Variants in KANK1 observed in about 807,000 individuals in gnomAD.
The protein encoded by KANK1 is KN motif and ankyrin repeat domains 1, also known as KN motif and ankyrin repeat domain-containing protein 1.
A neutral mutation model predicts 106.2 loss-of-function variants in KANK1; 109 were observed. The observed-to-expected ratio is 1.03, with a 90% CI of 0.88 to 1.20. The LOEUF (loss-of-function observed/expected upper bound fraction) is 1.20, where lower values mean the gene tolerates loss of function less well. KANK1 is among the 50% of genes most tolerant of loss of function. The probability of loss-of-function intolerance (pLI) is 0.00; values close to 1 mark genes in which losing one functional copy is unlikely to be tolerated. For synonymous variants in KANK1, 873 were observed against 652.2 expected (o/e 1.34, Z -5.16); for missense variants, 2,399 against 1,710.7 (o/e 1.40, Z -7.10).
chr9:523,575 C>G (rs1316728076), intron 1 of KANK1, among the ~76,000 whole-genome samples: 1 of 151,762 alleles, frequency 6.6e-6, no homozygotes, highest in Non-Finnish European at 1.5e-5. Context: ...CATGGCTGTC[C>G]TTGCCCGGTC....
rs1825935190 is a variant in KANK1 at position 711,116 on chromosome 9, C to T, written c.350C>T (p.Pro117Leu). The change falls in exon 3 of 12, where the codon CCA (proline) becomes CTA (leucine). Residue 117 changes from proline (P) to leucine (L), a missense_variant. Transcript: ENST00000382297. ...LIARSQVTST[P>L]ISKPPPPLET... ...GCCAGAAGTCAAGTTACATCAACTC[C>T]AATCTCAAAGCCACCTCCCCCTCTG... The T allele has an allele frequency of 1.9e-6, 3 of 1,614,024 alleles. No individual in the cohort carries two copies. Among genetic ancestry groups the T allele is most frequent in the African/African-American group, 2.7e-5 (2 of 74,908 alleles).
chr9:695,227 A>G (rs139660890), intron 2 of KANK1, among the ~76,000 whole-genome samples: 18 of 152,304 alleles, frequency 1.2e-4, no homozygotes, highest in Non-Finnish European at 7.3e-5. Context: ...CCGTCTTTGC[A>G]CAGTGTGTTA....
intron 1 of KANK1, among the ~76,000 whole-genome samples, chr9:594,821 A>C (rs1199243283): frequency 1.3e-5 from 2 of 151,858 alleles, no homozygotes; most frequent in Non-Finnish European, 2.9e-5. Context: ...AAAAATCTGG[A>C]GAGTTCAGAT....
At chr9:582,787 G>C (rs1349918109) in intron 1 of KANK1, among the ~76,000 whole-genome samples, 1 of 152,188 alleles carries the variant, frequency 6.6e-6, no homozygotes, top group Admixed American at 6.5e-5. Context: ...AGTACAAGCT[G>C]TACATAAAAT....
intron 1 of KANK1, among the ~76,000 whole-genome samples, chr9:659,100 C>G (rs1468377260): frequency 6.6e-6 from 1 of 152,262 alleles, no homozygotes; most frequent in African/African-American, 2.4e-5. Flanking sequence ...CTCAAAAAGG[C>G]AAGAACTGAG....
At chr9:519,835 TCTC>T (rs1465629665) in intron 1 of KANK1, among the ~76,000 whole-genome samples, 1 of 151,744 alleles carries the variant, frequency 6.6e-6, no homozygotes, top group South Asian at 2.1e-4. Flanking sequence ...TTTAGATTTT[TCTC>T]CTCCCCTTAA....
At chr9:703,842 G>C (rs1823321379) in intron 2 of KANK1, among the ~76,000 whole-genome samples, 1 of 151,978 alleles carries the variant, frequency 6.6e-6, no homozygotes, top group African/African-American at 2.4e-5. Context: ...CTCCTGAATA[G>C]CTGGGATTAC....
At chr9:744,360 C>T in intron 10 of KANK1, 131 bp from the exon 11 acceptor site, 1 of 1,070,876 alleles carries the variant, frequency 9.3e-7, no homozygotes, top group Non-Finnish European at 1.3e-6. Flanking sequence ...AAAAGTTTCC[C>T]AGAAGACCGA....
intron 1 of KANK1, among the ~76,000 whole-genome samples, chr9:551,586 G>T (rs1291945284): frequency 1.3e-5 from 2 of 152,140 alleles, no homozygotes; most frequent in African/African-American, 4.8e-5. Flanking sequence ...CAATGGTGAG[G>T]ACCGTTTATA....
At chr9:618,268 G>A (rs945356627) in intron 1 of KANK1, among the ~76,000 whole-genome samples, 2 of 152,122 alleles carry the variant, frequency 1.3e-5, no homozygotes, top group Admixed American at 1.3e-4. Context: ...AAGTGCAGTG[G>A]CGTGATCTCA....
chr9:506,531 T>G (rs971607747), intron 1 of KANK1, among the ~76,000 whole-genome samples: 3 of 96,230 alleles, frequency 3.1e-5, no homozygotes, highest in East Asian at 3.9e-4. Flanking sequence ...GTTCTGGGTG[T>G]GTGTGTGTGT....
At chr9:658,014 C>T (rs966946968) in intron 1 of KANK1, among the ~76,000 whole-genome samples, 1 of 151,878 alleles carries the variant, frequency 6.6e-6, no homozygotes, top group Admixed American at 6.6e-5. Flanking sequence ...ACTGGGACTA[C>T]AGGCATGAAC....
At position 731,284 on chromosome 9, in the gene KANK1, T is replaced by C; in HGVS notation, c.3005+18T>C. 2 of 1,436,074 alleles carry C rather than the reference T, an allele frequency of 1.4e-6. No homozygotes were observed. The highest frequency in any genetic ancestry group is 2.0e-6 in the Non-Finnish European group (2 of 1,020,738). The allele number at this position is 1,436,074 out of a possible 1,614,324, so 89.0% of individuals were successfully genotyped here. A position where few individuals can be genotyped will look rare whatever the true frequency, so the allele number is the denominator to read the frequency against. ...AATGGAGGGTAAGGAAAGATGGTGG[T>C]TCTAGAGGCTAATGCTGTCAGTCTC... On this transcript the variant is annotated intron_variant, in intron 5 of 11. Transcript: ENST00000382297.
intron 3 of KANK1, among the ~76,000 whole-genome samples, chr9:493,385 C>T (rs970925870): frequency 6.6e-6 from 1 of 151,998 alleles, no homozygotes; most frequent in East Asian, 1.9e-4. Context: ...ATCCACCAGC[C>T]CTGGTCAAGG....
intron 1 of KANK1, among the ~76,000 whole-genome samples, chr9:518,518 A>G (rs1023704044): frequency 6.6e-6 from 1 of 151,702 alleles, no homozygotes; most frequent in Non-Finnish European, 1.5e-5. Context: ...GGGTTCTAGA[A>G]TCGAAACTCT....
intron 1 of KANK1, among the ~76,000 whole-genome samples, chr9:651,566 A>G (rs2137579221): frequency 6.6e-6 from 1 of 152,334 alleles, no homozygotes; most frequent in Admixed American, 6.5e-5. Context: ...TCGTTCCACA[A>G]GTTACCTTGG....
intron 1 of KANK1, among the ~76,000 whole-genome samples, chr9:588,955 G>T (rs150691964): frequency 3.0e-4 from 46 of 152,216 alleles, no homozygotes; most frequent in Middle Eastern, 3.4e-3. Flanking sequence ...ACTTGTTTTT[G>T]AATTGTAATT....
chr9:562,850 T>C (rs1816847210), intron 1 of KANK1, among the ~76,000 whole-genome samples: 1 of 152,222 alleles, frequency 6.6e-6, no homozygotes, highest in African/African-American at 2.4e-5. Flanking sequence ...GTTTGGCTCA[T>C]AGTTGCAATT....
chr9:576,341 C>T lies in KANK1; in HGVS notation c.-84+71587C>T, dbSNP rs1349129387. Among the ~76,000 whole-genome samples the T allele has an allele frequency of 2.0e-5, 3 of 152,160 alleles. No homozygotes were observed. The East Asian group carries it at 5.8e-4, about 29-fold the overall frequency. On this transcript the variant is annotated intron_variant, in intron 1 of 11. Transcript: ENST00000382297. ...AAGGTAAGAAGCAGCTGGCAGCCTC[C>T]TTGAAGGCCCAGCATAGACAACCTT... is the stretch of plus-strand genomic sequence containing the variant.
Sources: gnomAD v4.1 joint callset for allele counts (sites outside exome capture counted in the v4.1 genomes callset) on GRCh38, gnomAD v4.1.1 for gene constraint, MANE v1.5 for transcripts, NCBI Gene and HGNC (gene_info 2026-07-23, HGNC 2026-07-21) for gene names.